The following MAP3K13 variants were observed in gnomAD, a reference collection of about 807,000 sequenced individuals.
The protein encoded by MAP3K13 is mitogen-activated protein kinase kinase kinase 13.
In MAP3K13, 52 loss-of-function variants were observed where a neutral mutation model predicts 104.0. That is an observed-to-expected ratio of 0.50 (90% CI 0.40 to 0.63). The LOEUF is 0.63. Ranked by LOEUF, MAP3K13 falls within the 20% of genes least tolerant of loss-of-function variation. The pLI, the probability that MAP3K13 is intolerant of heterozygous loss-of-function variation, is 0.00. For synonymous variants in MAP3K13, 394 were observed against 442.2 expected, an observed-to-expected ratio of 0.89 and a Z score of 1.37; for missense variants, 914 against 1,218.5, an observed-to-expected ratio of 0.75 and a Z score of 3.72.
At position 185,431,373 on chromosome 3, in the gene MAP3K13, A is replaced by C. The variant is rs576778431; in HGVS notation, c.475+2317A>C. 2.6e-5 allele frequency among the ~76,000 whole-genome samples: 4 copies of C among 152,314 alleles called. No homozygotes were observed. In the South Asian group the frequency reaches 8.3e-4, roughly 32 times the overall value. ...AAGCAATCCCCTAGTGCTCAACATT[A>C]ATTTGTTTACATTTTTAGCTATTAT... On this transcript the variant is annotated intron_variant, in intron 2 of 13. Coordinates refer to ENST00000265026, the MANE Select transcript of MAP3K13 (RefSeq NM_004721.5).
rs1459174134 is a variant in MAP3K13 at position 185,485,433 on chromosome 3, T to C, written c.*2977T>C. ...AGTCCAAAAATATTTGATGGAACAT[T>C]CCAGAAATAAACAATTCATAAATTT... On this transcript the variant is annotated 3_prime_UTR_variant, in exon 14 of 14. Coordinates refer to ENST00000265026, the MANE Select transcript of MAP3K13 (RefSeq NM_004721.5). 6.6e-6 allele frequency: 1 copy of C among 152,204 alleles called. No individual in the cohort carries two copies. Among genetic ancestry groups the C allele is most frequent in the East Asian group, 1.9e-4 (1 of 5,196 alleles). 9.4% of individuals were successfully genotyped at this position (152,204 alleles called of 1,614,324 possible). A position where few individuals can be genotyped will look rare whatever the true frequency, so the allele number is the denominator to read the frequency against.
intron 2 of MAP3K13, among the ~76,000 whole-genome samples, chr3:185,327,067 A>G (rs1433972528): frequency 2.0e-5 from 3 of 152,210 alleles, no homozygotes; most frequent in Non-Finnish European, 2.9e-5. Flanking sequence ...AAAGACCAAC[A>G]TGGGTCTCAC....
At chr3:185,461,297 T>C (rs993509563) in intron 7 of MAP3K13, among the ~76,000 whole-genome samples, 1 of 152,194 alleles carries the variant, frequency 6.6e-6, no homozygotes, top group African/African-American at 2.4e-5. Context: ...ATAGATTTGC[T>C]GCCTGAAAGT....
intron 1 of MAP3K13, among the ~76,000 whole-genome samples, chr3:185,415,796 T>C (rs1181533454): frequency 2.0e-5 from 3 of 152,058 alleles, no homozygotes. Flanking sequence ...TTGGTCAGGC[T>C]GGTCTCAAAC....
rs200332640 is a variant in MAP3K13, at chr3:185,366,345, T to C, written c.-86+2977T>C. On this transcript the variant is annotated intron_variant, in intron 1 of 13. Transcript: ENST00000265026. ...TTTTACTTATCCATTCATCAGTTGA[T>C]AGATATTTGGGCTTCCGCTTTTTGA... Among the ~76,000 whole-genome samples, 21 of 152,322 alleles carry C rather than the reference T, an allele frequency of 1.4e-4. No homozygotes were observed. In the East Asian group the frequency reaches 3.1e-3, roughly 22 times the overall value.
intron 2 of MAP3K13, among the ~76,000 whole-genome samples, chr3:185,345,020 G>A (rs1032391849): frequency 7.9e-5 from 12 of 151,984 alleles, no homozygotes. Flanking sequence ...GCGCCACCAT[G>A]CCCAGCTAAT....
At chr3:185,322,729 AC>A (rs1721910463) in intron 2 of MAP3K13, among the ~76,000 whole-genome samples, 1 of 152,238 alleles carries the variant, frequency 6.6e-6, no homozygotes, top group African/African-American at 2.4e-5. Context: ...GTAGGTACCA[AC>A]AAATATTTAT....
intron 1 of MAP3K13, among the ~76,000 whole-genome samples, chr3:185,383,763 G>T (rs184804242): frequency 6.6e-6 from 1 of 152,104 alleles, no homozygotes; most frequent in African/African-American, 2.4e-5. Flanking sequence ...CCCAGTCTCA[G>T]GTATTCTTTT....
chr3:185,480,301 T>C lies in MAP3K13; in HGVS notation c.2571T>C (p.Asp857=). 6.2e-7 allele frequency: 1 copy of C among 1,614,220 alleles called. No individual in the cohort carries two copies. Among genetic ancestry groups the C allele is most frequent in the South Asian group, 1.1e-5 (1 of 91,086 alleles). Residue 857 remains aspartate, a synonymous_variant, in exon 13 of 14, where the codon GAT becomes GAC. Transcript: ENST00000265026. The part of the protein sequence containing the change: ...TFSSENFSVS[D]GEEGNTSDHS... ...GCTCTGAGAATTTCTCTGTGTCTGA[T>C]GGAGAAGAGGGAAATACCAGTGACC...
At chr3:185,400,293 C>G (rs1712718603) in intron 1 of MAP3K13, among the ~76,000 whole-genome samples, 1 of 152,198 alleles carries the variant, frequency 6.6e-6, no homozygotes, top group Non-Finnish European at 1.5e-5. Flanking sequence ...CTCCATACCC[C>G]TTCCCTGGTC....
intron 1 of MAP3K13, among the ~76,000 whole-genome samples, chr3:185,285,031 G>GGT (rs10634892): frequency 0.017 from 2,562 of 148,898 alleles, 65 homozygotes; most frequent in African/African-American, 0.055. Flanking sequence ...ATGTCATACG[G>GGT]GTGTGTGTGT....
chr3:185,421,144 TTTTTC>T (rs796992502), intron 1 of MAP3K13, among the ~76,000 whole-genome samples: 23 of 152,158 alleles, frequency 1.5e-4, no homozygotes, highest in Non-Finnish European at 2.1e-4. Flanking sequence ...TTCTTTTTCT[TTTTTC>T]TTTTCTTTTC....
intron 7 of MAP3K13, among the ~76,000 whole-genome samples, chr3:185,454,898 T>TATATATCATATATATGAG (rs1560117839): frequency 2.3e-5 from 2 of 85,722 alleles, no homozygotes; most frequent in African/African-American, 8.9e-5. Context: ...ATATATGAGA[T>TATATATCATATATATGAG]ATATATATGA....
intron 1 of MAP3K13, among the ~76,000 whole-genome samples, chr3:185,373,092 T>G (rs1230638086): frequency 6.6e-6 from 1 of 152,186 alleles, no homozygotes; most frequent in Non-Finnish European, 1.5e-5. Context: ...AAGGAAATGA[T>G]AGTCTTGAGA....
intron 1 of MAP3K13, among the ~76,000 whole-genome samples, chr3:185,397,535 A>C (rs1289789739): frequency 1.3e-5 from 2 of 152,252 alleles, no homozygotes; most frequent in Non-Finnish European, 2.9e-5. Flanking sequence ...TTAGCATAGA[A>C]AATACTTATG....
chr3:185,443,683 A>G lies in MAP3K13; in HGVS notation c.851+47A>G, dbSNP rs376304258. ...TCAGCTATTTTGGTTTGTTGTTTTG[A>G]AATACAGAATTTTTATCAACCTCAG... On this transcript the variant is annotated intron_variant, in intron 4 of 13. Transcript: ENST00000265026. The G allele has an allele frequency of 1.0e-4, 159 of 1,545,410 alleles. 2 individuals carry two copies. The Middle Eastern group carries it at 1.5e-3, about 14-fold the overall frequency.
intron 1 of MAP3K13, among the ~76,000 whole-genome samples, chr3:185,416,935 C>A (rs1215278718): frequency 6.6e-6 from 1 of 151,868 alleles, no homozygotes; most frequent in Non-Finnish European, 1.5e-5. Context: ...AAACCAAATT[C>A]TTTAAAAATA....
At chr3:185,459,354 T>C (rs58873071) in intron 7 of MAP3K13, among the ~76,000 whole-genome samples, 4,350 of 152,300 alleles carry the variant, frequency 0.029, 201 homozygotes, top group African/African-American at 0.095. Context: ...TAAGCTAGGC[T>C]GGAACTGGCT....
chr3:185,287,506 ACT>A (rs1720563554), intron 2 of MAP3K13, among the ~76,000 whole-genome samples: 1 of 152,190 alleles, frequency 6.6e-6, no homozygotes, highest in Admixed American at 6.5e-5. Flanking sequence ...GGTGACTTTT[ACT>A]TCGATAATCA....
Sources: allele counts gnomAD v4.1 joint callset (sites outside exome capture counted in the v4.1 genomes callset), GRCh38; gene constraint gnomAD v4.1.1; transcripts MANE v1.5; gene names NCBI Gene and HGNC (gene_info 2026-07-23, HGNC 2026-07-21).